KIF25: variants seen among roughly 807,000 people sequenced by gnomAD.
KIF25 encodes the protein kinesin family member 25, also known as kinesin-like protein KIF25.
A neutral mutation model predicts 32.9 loss-of-function variants in KIF25; 19 were observed. The observed-to-expected ratio is 0.58, with a 90% confidence interval of 0.40 to 0.85. The LOEUF (loss-of-function observed/expected upper bound fraction) is 0.85. KIF25 is among the 40% of genes least tolerant of loss of function. The pLI is 0.00. For missense variants in KIF25, 485 were observed against 507.0 expected (o/e 0.96, Z 0.42); for synonymous variants, 225 against 213.7 (o/e 1.05, Z -0.46).
rs1341545897 is a variant in KIF25, at chr6:168,038,742, C to T, written c.494+13C>T. ...TGCTGGCCTCTGAGTGAGTACTGCA[C>T]CTGCCCCGTGCTGCTGGCCTCTGAG... On this transcript the variant is annotated intron_variant, in intron 9 of 12. Coordinates refer to ENST00000643607, the MANE Select transcript of KIF25 (RefSeq NM_030615.4). The T allele has an allele frequency of 6.2e-7, 1 of 1,610,360 alleles. No individual in the cohort carries two copies. Among genetic ancestry groups the T allele is most frequent in the South Asian group, 1.1e-5 (1 of 90,878 alleles).
intron 4 of KIF25, among the ~76,000 whole-genome samples, chr6:168,006,397 A>C (rs1798580766): frequency 6.6e-6 from 1 of 152,206 alleles, no homozygotes; most frequent in Non-Finnish European, 1.5e-5. Flanking sequence ...AATACTCAGC[A>C]ATACAACGAT....
intron 10 of KIF25, 22 bp from the exon 11 acceptor site, chr6:168,041,947 G>A (rs909048370): frequency 2.0e-5 from 31 of 1,549,136 alleles, no homozygotes; most frequent in Admixed American, 9.8e-5. Context: ...TTTCCTCCTC[G>A]TCGCTCCTTG....
At chr6:168,024,103 A>G (rs1410767406) in intron 5 of KIF25, among the ~76,000 whole-genome samples, 12 of 150,588 alleles carry the variant, frequency 8.0e-5, no homozygotes. Flanking sequence ...TGGTGGTTCA[A>G]TGGATTTAAT....
intron 8 of KIF25, 34 bp downstream of exon 8, chr6:168,034,065 TA>T: frequency 6.2e-7 from 1 of 1,607,964 alleles, no homozygotes; most frequent in Non-Finnish European, 8.5e-7. Flanking sequence ...GGCAGAGAAA[TA>T]TGGCAGGGAA....
intron 8 of KIF25, among the ~76,000 whole-genome samples, chr6:168,035,505 T>C (rs927534732): frequency 4.3e-5 from 1 of 23,318 alleles, no homozygotes; most frequent in East Asian, 1.0e-3. Flanking sequence ...GGAACTGCCC[T>C]GCGGAGGAGG....
Sources: gnomAD v4.1 joint callset for allele counts (sites outside exome capture counted in the v4.1 genomes callset) on GRCh38, gnomAD v4.1.1 for gene constraint, MANE v1.5 for transcripts, NCBI Gene and HGNC (gene_info 2026-07-23, HGNC 2026-07-21) for gene names.